KCNU1: variants seen among roughly 807,000 people sequenced by gnomAD.
KCNU1 encodes potassium calcium-activated channel subfamily U member 1, also known as potassium channel subfamily U member 1.
A neutral mutation model predicts 126.8 loss-of-function variants in KCNU1; 93 were observed. The observed-to-expected ratio is 0.73, with a 90% confidence interval of 0.62 to 0.87. The LOEUF (loss-of-function observed/expected upper bound fraction) is 0.87, where lower values mean the gene tolerates loss of function less well. KCNU1 is among the 40% of genes least tolerant of loss of function. The pLI, the probability that KCNU1 is intolerant of heterozygous loss-of-function variation, is 0.00. For synonymous variants in KCNU1, 523 were observed against 494.2 expected (o/e 1.06, Z -0.77); for missense variants, 1,330 against 1,367.1 (o/e 0.97, Z 0.43).
At chr8:36,920,877 A>G (rs1213148668) in intron 23 of KCNU1, among the ~76,000 whole-genome samples, 1 of 152,232 alleles carries the variant, frequency 6.6e-6, no homozygotes, top group Non-Finnish European at 1.5e-5. Flanking sequence ...ATTCATTAAT[A>G]TCACTTCATT....
At chr8:36,800,419 A>C (rs915777540) in intron 2 of KCNU1, among the ~76,000 whole-genome samples, 18 of 152,166 alleles carry the variant, frequency 1.2e-4, no homozygotes, top group Non-Finnish European at 2.4e-4. Flanking sequence ...CAGCAACTCT[A>C]CAAACAAGGC....
chr8:36,910,473 C>A (rs1807825926), intron 21 of KCNU1, among the ~76,000 whole-genome samples: 1 of 151,054 alleles, frequency 6.6e-6, no homozygotes, highest in South Asian at 2.2e-4. Context: ...GTTTTTCCAC[C>A]AAAGAAAGAA....
intron 11 of KCNU1, among the ~76,000 whole-genome samples, chr8:36,834,207 A>G (rs1018065860): frequency 1.8e-4 from 28 of 152,248 alleles, no homozygotes; most frequent in African/African-American, 6.5e-4. Context: ...TCAGTCTCGG[A>G]GAATCAACAA....
At chr8:36,810,794 A>G (rs1291235118) in intron 7 of KCNU1, among the ~76,000 whole-genome samples, 2 of 152,190 alleles carry the variant, frequency 1.3e-5, no homozygotes, top group Non-Finnish European at 2.9e-5. Flanking sequence ...TTACAAAATA[A>G]AACAGTTATG....
rs1321024821 is a variant in KCNU1 at position 36,931,208 on chromosome 8, G to T, written c.2931+63G>T. 3.2e-6 allele frequency: 4 copies of T among 1,241,474 alleles called. No individual in the cohort carries two copies. In the East Asian group the frequency reaches 7.3e-5, roughly 23 times the overall value. The allele number at this position is 1,241,474 out of a possible 1,614,324, so 76.9% of individuals were successfully genotyped here. A position where few individuals can be genotyped will look rare whatever the true frequency, so the allele number is the denominator to read the frequency against. On this transcript the variant is annotated intron_variant, in intron 25 of 26. Transcript: ENST00000399881. ...TTTACCTCTCTGAGCTTCTGAAAAT[G>T]GTCCAGGCTATTTGGGTTCATAGAT...
intron 19 of KCNU1, among the ~76,000 whole-genome samples, chr8:36,881,556 A>G (rs1806479825): frequency 6.6e-6 from 1 of 152,052 alleles, no homozygotes; most frequent in Admixed American, 6.6e-5. Context: ...GGAGGGGGAA[A>G]CATGAAATTT....
intron 23 of KCNU1, among the ~76,000 whole-genome samples, chr8:36,920,460 C>G (rs369954600): frequency 2.0e-5 from 3 of 152,326 alleles, no homozygotes; most frequent in Admixed American, 6.5e-5. Context: ...CATCTGATCA[C>G]TCTCCAGGGA....
intron 19 of KCNU1, chr8:36,888,764 A>G (rs751673417): frequency 5.6e-6 from 3 of 533,718 alleles, no homozygotes; most frequent in South Asian, 4.2e-5. Context: ...CAAAGATTAC[A>G]TGAAATCAAT....
intron 19 of KCNU1, among the ~76,000 whole-genome samples, chr8:36,883,560 G>T (rs529890481): frequency 6.6e-6 from 1 of 152,228 alleles, no homozygotes; most frequent in African/African-American, 2.4e-5. Context: ...GAGGTGGGAG[G>T]ATCACTTGAG....
At chr8:36,841,139 G>A (rs1804943202) in intron 16 of KCNU1, 136 bp downstream of exon 16, 1 of 656,006 alleles carries the variant, frequency 1.5e-6, no homozygotes, top group Non-Finnish European at 2.6e-6. Flanking sequence ...TGGCTGAGAG[G>A]CAGCCTCTGG....
intron 4 of KCNU1, 78 bp downstream of exon 4, chr8:36,805,363 CCTACAATCTGCCCGAGTTTTCAACT>C (rs1803459702): frequency 8.1e-6 from 7 of 866,214 alleles, no homozygotes; most frequent in Non-Finnish European, 1.3e-5. Flanking sequence ...GTGTCTCAGT[CCTACAATCTGCCCGAGTTTTCAACT>C]CTAAAGATAG....
At chr8:36,830,181 A>G (rs1046489549) in intron 10 of KCNU1, among the ~76,000 whole-genome samples, 2 of 150,990 alleles carry the variant, frequency 1.3e-5, no homozygotes, top group African/African-American at 4.8e-5. Context: ...TTGTACACAT[A>G]AGGATTAGAA....
At position 36,921,658 on chromosome 8, in the gene KCNU1, GGA is replaced by G. The variant is rs1491154280; in HGVS notation, c.2597-831_2597-830del. On this transcript the variant is annotated intron_variant, in intron 23 of 26. Coordinates refer to ENST00000399881, the MANE Select transcript of KCNU1 (RefSeq NM_001031836.3). ...CTGGGCAGCCTGGGCGATGAAGTGA[GGA>G]AAAAAAAAAAAAAAAAAAAAGAAGA... Among the ~76,000 whole-genome samples, 49 of 39,740 alleles carry G rather than the reference GGA, an allele frequency of 1.2e-3. No homozygotes were observed. The East Asian group carries it at 0.038, about 31-fold the overall frequency. 26.1% of individuals were successfully genotyped at this position (39,740 alleles called of 152,430 possible). A position where few individuals can be genotyped will look rare whatever the true frequency, so the allele number is the denominator to read the frequency against.
intron 18 of KCNU1, among the ~76,000 whole-genome samples, chr8:36,856,268 G>A (rs943163042): frequency 6.6e-6 from 1 of 151,968 alleles, no homozygotes; most frequent in African/African-American, 2.4e-5. Flanking sequence ...ATGGACTCTT[G>A]CACAGAAAGT....
intron 19 of KCNU1, among the ~76,000 whole-genome samples, chr8:36,889,497 G>A (rs1209366388): frequency 1.3e-5 from 2 of 152,012 alleles, no homozygotes; most frequent in African/African-American, 4.8e-5. Context: ...CATGTAGATT[G>A]TCTAAAAATA....
chr8:36,871,689 A>G (rs946203039), intron 19 of KCNU1, among the ~76,000 whole-genome samples: 12 of 152,120 alleles, frequency 7.9e-5, no homozygotes, highest in African/African-American at 2.9e-4. Context: ...TTAAAAAACT[A>G]AAAACAAATT....
chr8:36,893,674 A>G (rs1807068823), intron 19 of KCNU1, among the ~76,000 whole-genome samples: 1 of 152,120 alleles, frequency 6.6e-6, no homozygotes. Context: ...CAAAAATGCC[A>G]TGAAGCTTAT....
At chr8:36,840,331 C>T in intron 14 of KCNU1, 132 bp from the exon 15 acceptor site, 1 of 589,652 alleles carries the variant, frequency 1.7e-6, no homozygotes, top group Non-Finnish European at 3.0e-6. Context: ...TAGTTAAGCA[C>T]TAAGATAAAT....
At chr8:36,803,593 A>G (rs1415284335) in intron 2 of KCNU1, among the ~76,000 whole-genome samples, 1 of 152,190 alleles carries the variant, frequency 6.6e-6, no homozygotes, top group Admixed American at 6.5e-5. Flanking sequence ...ATAACCAACA[A>G]TTCAAATCCA....
Sources: allele counts gnomAD v4.1 joint callset (sites outside exome capture counted in the v4.1 genomes callset), GRCh38; gene constraint gnomAD v4.1.1; transcripts MANE v1.5; gene names NCBI Gene and HGNC (gene_info 2026-07-23, HGNC 2026-07-21).